Variants in RANBP2 observed in about 807,000 individuals in gnomAD.
The protein encoded by RANBP2 is RAN binding protein 2.
Under a neutral mutation model 303.6 loss-of-function variants are expected in RANBP2, and 57 were observed. The observed-to-expected ratio is 0.19, with a 90% CI of 0.15 to 0.23. The LOEUF is 0.23. RANBP2 is among the 10% of genes least tolerant of loss of function. RANBP2 has a pLI of 1.00. For missense variants in RANBP2, 3,138 were observed against 3,780.8 expected (o/e 0.83, Z 4.46); for synonymous variants, 1,167 against 1,301.5 (o/e 0.90, Z 2.23).
Position 108,742,903 on chromosome 2 carries a change from C to T in RANBP2, c.975+2222C>T, listed in dbSNP as rs539960915. Among the ~76,000 whole-genome samples, 13 of 152,182 alleles carry T rather than the reference C, an allele frequency of 8.5e-5. No homozygotes were observed. The South Asian group carries it at 1.5e-3, about 17-fold the overall frequency. The stretch of plus-strand genomic sequence containing the variant: ...TCCTGGGTTCACGCCATTCTCCTGC[C>T]TCAGCCTCCCGAGTAGCTGGGACTA... On this transcript the variant is annotated intron_variant, in intron 7 of 28. Coordinates refer to ENST00000283195, the MANE Select transcript of RANBP2 (RefSeq NM_006267.5).
the RANBP2 span, among the ~76,000 whole-genome samples, chr2:109,158,001 G>A: frequency 1.1e-4 from 16 of 152,292 alleles, 1 homozygote; most frequent in Admixed American, 9.1e-4. Context: ...CCTTGAGCCC[G>A]TGGTATGTTC....
At chr2:109,514,295 T>G in the RANBP2 span, among the ~76,000 whole-genome samples, 1 of 152,156 alleles carries the variant, frequency 6.6e-6, no homozygotes, top group Admixed American at 6.5e-5. Context: ...AATACGGAGT[T>G]TCTGCTGTGG....
the RANBP2 span, among the ~76,000 whole-genome samples, chr2:108,823,491 G>C: frequency 1.3e-5 from 2 of 152,180 alleles, no homozygotes; most frequent in Non-Finnish European, 2.9e-5. Flanking sequence ...AAACATTGTA[G>C]AGTGTATTTA....
chr2:108,772,701 AC>A, intron 22 of RANBP2, 120 bp downstream of exon 22: 1 of 1,245,272 alleles, frequency 8.0e-7, no homozygotes, highest in South Asian at 1.4e-5. Context: ...GATTTAAAAA[AC>A]TTAAAACTAA....
chr2:109,229,554 G>A, the RANBP2 span, among the ~76,000 whole-genome samples: 2 of 152,096 alleles, frequency 1.3e-5, no homozygotes, highest in African/African-American at 4.8e-5. Flanking sequence ...TTTGGGATGT[G>A]GGCTCTGAAT....
chr2:108,757,070 G>A (rs977064843), intron 17 of RANBP2, among the ~76,000 whole-genome samples: 6 of 152,302 alleles, frequency 3.9e-5, no homozygotes, highest in Middle Eastern at 3.4e-3. Context: ...GAAAAAGAAA[G>A]CAGACATGCT....
chr2:108,939,379 G>A, the RANBP2 span, among the ~76,000 whole-genome samples: 1 of 152,192 alleles, frequency 6.6e-6, no homozygotes, highest in African/African-American at 2.4e-5. Context: ...TAGAGATGGG[G>A]TTTCACCATG....
the RANBP2 span, among the ~76,000 whole-genome samples, chr2:109,652,254 G>A: frequency 1.3e-5 from 2 of 149,078 alleles, no homozygotes; most frequent in East Asian, 2.0e-4. Context: ...ACGGAGTCTC[G>A]CTCTGTCACT....
the RANBP2 span, among the ~76,000 whole-genome samples, chr2:109,721,453 G>A: frequency 1.3e-5 from 2 of 152,154 alleles, no homozygotes; most frequent in African/African-American, 2.4e-5. Flanking sequence ...GGATGCCTCC[G>A]CAGGCAGGTA....
chr2:108,944,321 C>T, the RANBP2 span, among the ~76,000 whole-genome samples: 3 of 152,160 alleles, frequency 2.0e-5, no homozygotes, highest in African/African-American at 7.2e-5. Context: ...ACCATGTTGG[C>T]GGGGCTGGTC....
chr2:109,082,534 C>T, the RANBP2 span, among the ~76,000 whole-genome samples: 6 of 152,046 alleles, frequency 3.9e-5, no homozygotes, highest in Admixed American at 1.3e-4. Flanking sequence ...CTCCTGACCT[C>T]GTGATCCACC....
At chr2:109,413,200 C>T in the RANBP2 span, among the ~76,000 whole-genome samples, 1 of 152,174 alleles carries the variant, frequency 6.6e-6, no homozygotes, top group Non-Finnish European at 1.5e-5. Context: ...CTGCAACCTC[C>T]GCCTCATGGG....
chr2:109,369,508 G>T, the RANBP2 span, among the ~76,000 whole-genome samples: 2 of 152,288 alleles, frequency 1.3e-5, no homozygotes, highest in South Asian at 2.1e-4. Flanking sequence ...GGCCTATAAT[G>T]TCAGTTGGAA....
At chr2:109,726,989 G>C in the RANBP2 span, among the ~76,000 whole-genome samples, 6 of 152,208 alleles carry the variant, frequency 3.9e-5, no homozygotes, top group African/African-American at 1.4e-4. Context: ...ATGAGAACTG[G>C]CTAGATGGAA....
At chr2:108,838,627 C>G in the RANBP2 span, among the ~76,000 whole-genome samples, 1 of 152,140 alleles carries the variant, frequency 6.6e-6, no homozygotes, top group East Asian at 1.9e-4. Flanking sequence ...TCATAGACAT[C>G]CTTAAACAGT....
chr2:109,079,250 C>A, the RANBP2 span, among the ~76,000 whole-genome samples: 1 of 152,126 alleles, frequency 6.6e-6, no homozygotes, highest in East Asian at 1.9e-4. Flanking sequence ...TACGGTTTCT[C>A]TTCCTTATGA....
chr2:108,936,312 C>T, the RANBP2 span, among the ~76,000 whole-genome samples: 1 of 152,366 alleles, frequency 6.6e-6, no homozygotes. Flanking sequence ...GCGTGCTTAC[C>T]TGGCCTGGCC....
chr2:108,742,434 T>C (rs1696186749), intron 7 of RANBP2, among the ~76,000 whole-genome samples: 1 of 152,020 alleles, frequency 6.6e-6, no homozygotes, highest in African/African-American at 2.4e-5. Context: ...CTGTCACGTA[T>C]CTGGGATTAC....
the RANBP2 span, among the ~76,000 whole-genome samples, chr2:109,629,617 C>T: frequency 6.6e-6 from 1 of 151,396 alleles, no homozygotes; most frequent in East Asian, 1.9e-4. Context: ...TTGAGACCAA[C>T]CTGGCTAATA....
Sources: allele counts gnomAD v4.1 joint callset (sites outside exome capture counted in the v4.1 genomes callset), GRCh38; gene constraint gnomAD v4.1.1; transcripts MANE v1.5; gene names NCBI Gene and HGNC (gene_info 2026-07-23, HGNC 2026-07-21).